ASTN2: variants seen among roughly 807,000 people sequenced by gnomAD.
ASTN2 encodes the protein astrotactin 2.
A neutral mutation model predicts 139.8 loss-of-function variants in ASTN2; 54 were observed. That is an observed-to-expected ratio of 0.39 (90% CI 0.31 to 0.48). ASTN2 has a LOEUF of 0.48. Among genes scored for constraint, ASTN2 ranks in the 20% least tolerant of loss-of-function variants. The probability of loss-of-function intolerance (pLI) is 0.95; values close to 1 mark genes in which losing one functional copy is unlikely to be tolerated. For missense variants in ASTN2, 1,565 were observed against 1,725.1 expected (o/e 0.91, Z 1.64); for synonymous variants, 756 against 719.5 (o/e 1.05, Z -0.81).
chr9:116,635,834 T>C (rs1243606145), intron 17 of ASTN2, among the ~76,000 whole-genome samples: 2 of 152,224 alleles, frequency 1.3e-5, no homozygotes, highest in Non-Finnish European at 2.9e-5. Flanking sequence ...ATTGAGCTAA[T>C]AGATGGTTTT....
intron 3 of ASTN2, among the ~76,000 whole-genome samples, chr9:117,189,129 G>T (rs1831282879): frequency 6.6e-6 from 1 of 152,300 alleles, no homozygotes; most frequent in Non-Finnish European, 1.5e-5. Flanking sequence ...CACAAAAAAG[G>T]TGAGGATTGT....
rs142071268 is a variant in ASTN2 at position 116,815,526 on chromosome 9, C to A, written c.2207+5091G>T. On this transcript the variant is annotated intron_variant, in intron 12 of 22. Coordinates refer to ENST00000313400, the MANE Select transcript of ASTN2 (RefSeq NM_001365068.1). Reference sequence around the variant, plus strand: ...TGAAACTTAAAAAATGTTAATGAGGCCGGGCGCGGTGGCTCACACCTGTAA... The same window carrying A: ...TGAAACTTAAAAAATGTTAATGAGGACGGGCGCGGTGGCTCACACCTGTAA... Among the ~76,000 whole-genome samples the A allele has an allele frequency of 4.5e-3, 685 of 152,118 alleles. 5 individuals are homozygous for A. Among genetic ancestry groups the A allele is most frequent in the African/African-American group, 0.016 (667 of 41,504 alleles).
chr9:116,609,328 C>CTATATATATA lies in ASTN2; in HGVS notation c.3355+8986_3355+8995dup, dbSNP rs1554720155. On this transcript the variant is annotated intron_variant, in intron 19 of 22. Transcript: ENST00000313400. ...TCTCTCTCTCTCTCTCTCTCTCTCT[C>CTATATATATA]TATATATATATACACACACACACAT... Among the ~76,000 whole-genome samples, 382 of 122,526 alleles carry CTATATATATA rather than the reference C, an allele frequency of 3.1e-3. 4 individuals carry two copies. The highest frequency in any genetic ancestry group is 0.011 in the African/African-American group (350 of 31,586). 80.4% of individuals were successfully genotyped at this position (122,526 alleles called of 152,430 possible). A position where few individuals can be genotyped will look rare whatever the true frequency, so the allele number is the denominator to read the frequency against.
At chr9:117,225,858 G>T (rs1442942204) in intron 2 of ASTN2, among the ~76,000 whole-genome samples, 1 of 151,954 alleles carries the variant, frequency 6.6e-6, no homozygotes, top group Non-Finnish European at 1.5e-5. Flanking sequence ...CATTCAATAC[G>T]TGGTAGTCAT....
intron 2 of ASTN2, among the ~76,000 whole-genome samples, chr9:117,276,077 T>C (rs1224155582): frequency 6.6e-6 from 1 of 152,178 alleles, no homozygotes; most frequent in African/African-American, 2.4e-5. Context: ...TGGGATCATG[T>C]TCTATTAATG....
chr9:117,000,043 G>A (rs941366111), intron 7 of ASTN2, among the ~76,000 whole-genome samples: 16 of 152,198 alleles, frequency 1.1e-4, no homozygotes, highest in Middle Eastern at 3.4e-3. Flanking sequence ...TGGATTAAAC[G>A]TCTCATGAAA....
chr9:116,527,740 T>A (rs182000330), intron 19 of ASTN2, among the ~76,000 whole-genome samples: 102 of 152,208 alleles, frequency 6.7e-4, no homozygotes, highest in African/African-American at 2.3e-3. Context: ...GGGAGGTGAT[T>A]GGGTCATATG....
At chr9:116,968,830 TG>T (rs1836094322) in intron 10 of ASTN2, among the ~76,000 whole-genome samples, 1 of 141,162 alleles carries the variant, frequency 7.1e-6, no homozygotes, top group Non-Finnish European at 1.5e-5. Context: ...GCTTGGGAGG[TG>T]GAGGTTGCAG....
chr9:116,524,363 GATCA>G (rs1851003742), intron 19 of ASTN2, among the ~76,000 whole-genome samples: 1 of 152,210 alleles, frequency 6.6e-6, no homozygotes, highest in Admixed American at 6.5e-5. Flanking sequence ...TTCAGCCATA[GATCA>G]TAACCAACAT....
chr9:116,806,896 GTATT>G (rs1167661489), intron 12 of ASTN2, among the ~76,000 whole-genome samples: 1 of 152,088 alleles, frequency 6.6e-6, no homozygotes, highest in Non-Finnish European at 1.5e-5. Flanking sequence ...AACACTTTAT[GTATT>G]TATTATCTAA....
chr9:116,614,998 A>T (rs1449748529), intron 19 of ASTN2, among the ~76,000 whole-genome samples: 1 of 152,238 alleles, frequency 6.6e-6, no homozygotes, highest in Non-Finnish European at 1.5e-5. Flanking sequence ...AATATCCAGA[A>T]TCTACAAAGA....
intron 3 of ASTN2, among the ~76,000 whole-genome samples, chr9:117,158,177 C>CTG (rs1331688616): frequency 6.6e-6 from 1 of 151,960 alleles, no homozygotes; most frequent in Non-Finnish European, 1.5e-5. Flanking sequence ...GGGTACTAAC[C>CTG]CAGTTCCACT....
intron 2 of ASTN2, among the ~76,000 whole-genome samples, chr9:117,283,653 C>T (rs560441116): frequency 4.6e-5 from 7 of 152,286 alleles, no homozygotes; most frequent in African/African-American, 1.7e-4. Context: ...GCATGTATTA[C>T]ATGGTTTTTC....
chr9:116,645,173 C>T (rs1368962629), intron 17 of ASTN2, among the ~76,000 whole-genome samples: 1 of 152,136 alleles, frequency 6.6e-6, no homozygotes, highest in Non-Finnish European at 1.5e-5. Context: ...GTATGCCACT[C>T]CTCTGCCTCC....
chr9:116,865,508 G>A (rs1156646881), intron 10 of ASTN2, among the ~76,000 whole-genome samples: 3 of 149,540 alleles, frequency 2.0e-5, no homozygotes, highest in Admixed American at 6.7e-5. Flanking sequence ...TCTACAGTGC[G>A]GGTCTAAAGT....
intron 19 of ASTN2, among the ~76,000 whole-genome samples, chr9:116,605,301 C>T (rs1412262277): frequency 2.6e-5 from 4 of 152,026 alleles, no homozygotes; most frequent in Admixed American, 6.5e-5. Flanking sequence ...GAGGAGGTGC[C>T]GGGGCTAGTG....
intron 4 of ASTN2, among the ~76,000 whole-genome samples, chr9:117,138,265 G>T (rs1832764696): frequency 6.6e-6 from 1 of 152,198 alleles, no homozygotes; most frequent in Admixed American, 6.5e-5. Flanking sequence ...CAAAACTGTA[G>T]ATTGGGTAGT....
At chr9:116,609,408 T>TATATATATATATATATATATATA (rs56271805) in intron 19 of ASTN2, among the ~76,000 whole-genome samples, 1 of 134,460 alleles carries the variant, frequency 7.4e-6, no homozygotes, top group Non-Finnish European at 1.6e-5. Flanking sequence ...TATATATATA[T>TATATATATATATATATATATATA]GAACAAAGAT....
rs150424559 is a variant in ASTN2 at position 116,627,715 on chromosome 9, T to C, written c.3073-7272A>G. Reference sequence around the variant, plus strand: ...AACCAGGACTTGAACTCAAGCCATCTAATCCTGAAGCCCATGCTGTCAGCC... The same window carrying C: ...AACCAGGACTTGAACTCAAGCCATCCAATCCTGAAGCCCATGCTGTCAGCC... On this transcript the variant is annotated intron_variant, in intron 17 of 22. Coordinates refer to ENST00000313400, the MANE Select transcript of ASTN2 (RefSeq NM_001365068.1). Among the ~76,000 whole-genome samples, 50 of 152,342 alleles carry C rather than the reference T, an allele frequency of 3.3e-4. No homozygotes were observed. In the East Asian group the frequency reaches 9.1e-3, roughly 28 times the overall value.
Sources: gnomAD v4.1 joint callset for allele counts (sites outside exome capture counted in the v4.1 genomes callset) on GRCh38, gnomAD v4.1.1 for gene constraint, MANE v1.5 for transcripts, NCBI Gene and HGNC (gene_info 2026-07-23, HGNC 2026-07-21) for gene names.